Variants in IQUB observed in about 807,000 individuals in gnomAD.
IQUB encodes the protein IQ motif and ubiquitin-like domain-containing protein.
In IQUB, 86 loss-of-function variants were observed where a neutral mutation model predicts 86.4. The observed-to-expected ratio is 1.00, with a 90% CI of 0.84 to 1.19. The LOEUF is 1.19. IQUB is among the 50% of genes most tolerant of loss of function. The pLI, the probability that IQUB is intolerant of heterozygous loss-of-function variation, is 0.00. For missense variants in IQUB, 946 were observed against 916.9 expected, an observed-to-expected ratio of 1.03 and a Z score of -0.41; for synonymous variants, 289 against 304.5, an observed-to-expected ratio of 0.95 and a Z score of 0.53.
At chr7:123,531,949 C>T (rs1259707037) in intron 1 of IQUB, among the ~76,000 whole-genome samples, 1 of 152,202 alleles carries the variant, frequency 6.6e-6, no homozygotes, top group Non-Finnish European at 1.5e-5. Flanking sequence ...TTTATTCCTC[C>T]ACTCAATGTG....
At chr7:123,534,277 G>C (rs913833631) in intron 1 of IQUB, among the ~76,000 whole-genome samples, 1 of 152,298 alleles carries the variant, frequency 6.6e-6, no homozygotes, top group East Asian at 1.9e-4. Flanking sequence ...CCAAATCAGA[G>C]AGGGGAAGCC....
intron 1 of IQUB, among the ~76,000 whole-genome samples, chr7:123,533,651 A>C (rs2117416692): frequency 6.6e-6 from 1 of 152,310 alleles, no homozygotes; most frequent in East Asian, 1.9e-4. Context: ...GTAAATATTG[A>C]TAGAAAACAA....
At chr7:123,493,059 G>A (rs112765543) in intron 7 of IQUB, among the ~76,000 whole-genome samples, 10 of 151,968 alleles carry the variant, frequency 6.6e-5, no homozygotes, top group African/African-American at 9.7e-5. Flanking sequence ...TAAATAATGC[G>A]GCAGCACTCT....
In IQUB at chr7:123,461,595, T is replaced by A. The variant is rs765000760; in HGVS notation, c.1769A>T (p.Asp590Val). Residue 590 changes from aspartate to valine, a missense_variant, in exon 11 of 13, where the codon GAC (aspartate) becomes GTC (valine). Coordinates refer to ENST00000324698, the MANE Select transcript of IQUB (RefSeq NM_178827.5). Reference protein sequence around the residue: ...EVAKYLKVPQDPLKFYKKIYF... With the variant: ...EVAKYLKVPQVPLKFYKKIYF... ...AATCTTCTTATAAAATTTCAATGGG[T>A]CTTGAGGGACCTAAATAAATAGTAA... 1.2e-6 allele frequency: 2 copies of A among 1,600,298 alleles called. No individual in the cohort carries two copies. Among genetic ancestry groups the A allele is most frequent in the African/African-American group, 1.4e-5 (1 of 73,580 alleles).
intron 7 of IQUB, among the ~76,000 whole-genome samples, chr7:123,489,240 T>G (rs1485692637): frequency 6.6e-6 from 1 of 152,144 alleles, no homozygotes; most frequent in Non-Finnish European, 1.5e-5. Context: ...GTCATAAAGC[T>G]GTACACTTAA....
At chr7:123,533,357 A>G (rs902982380) in intron 1 of IQUB, among the ~76,000 whole-genome samples, 24 of 152,226 alleles carry the variant, frequency 1.6e-4, no homozygotes, top group African/African-American at 4.8e-4. Context: ...TTTCTATTAT[A>G]GCCCCAAGAA....
intron 1 of IQUB, among the ~76,000 whole-genome samples, chr7:123,533,734 T>C (rs1310434231): frequency 6.6e-6 from 1 of 152,192 alleles, no homozygotes; most frequent in Non-Finnish European, 1.5e-5. Flanking sequence ...TAACTACATA[T>C]TTGCGTATGT....
At position 123,457,563 on chromosome 7, in the gene IQUB, G is replaced by C. The variant is rs1584541968; in HGVS notation, c.2011C>G (p.Gln671Glu). 6.3e-7 allele frequency: 1 copy of C among 1,598,592 alleles called. No individual in the cohort carries two copies. The highest frequency in any genetic ancestry group is 8.5e-7 in the Non-Finnish European group (1 of 1,174,850). Reference protein sequence around the residue: ...DSKIAFLMQLQDIQYLTENIW... With the variant: ...DSKIAFLMQLEDIQYLTENIW... ...TTCTCTGTCAGGTACTGAATGTCTT[G>C]TAGCTGCATGTCAAAGCAAGTTTTA... is the stretch of plus-strand genomic sequence containing the variant. The change falls in exon 12 of 13, where the codon CAA becomes GAA. Residue 671 changes from glutamine to glutamate, a missense_variant. By Grantham distance (29) the Gln-to-Glu change is conservative. Coordinates refer to ENST00000324698, the MANE Select transcript of IQUB (RefSeq NM_178827.5).
Position 123,509,908 on chromosome 7 carries a change from T to G in IQUB, c.525A>C (p.Arg175Ser). The G allele has an allele frequency of 6.2e-7, 1 of 1,601,672 alleles. No homozygotes were observed. The highest frequency in any genetic ancestry group is 8.5e-7 in the Non-Finnish European group (1 of 1,176,400). The change falls in exon 3 of 13, where the codon AGA becomes AGC. Residue 175 changes from arginine to serine, a missense_variant. Transcript: ENST00000324698. ...LGIPHSVLQI[R>S]YSGKILKNNE... is the part of the protein sequence containing the mutation. ...ATTAGCCTCCAAACTTACCTGAGTATCTTATCTGCAGTACAGAATGTGGGA... is the reference window on the plus strand; with the variant it reads ...ATTAGCCTCCAAACTTACCTGAGTAGCTTATCTGCAGTACAGAATGTGGGA...
In IQUB at chr7:123,512,185, G is replaced by A; in HGVS notation, c.156C>T (p.Phe52=). Residue 52 remains phenylalanine (F), a synonymous_variant, in exon 2 of 13, where the codon TTC becomes TTT. Coordinates refer to ENST00000324698, the MANE Select transcript of IQUB (RefSeq NM_178827.5). ...TEEHESGIEQ[F]SESHAIHVEE... ...CAACATGTATTGCATGGCTCTCACT[G>A]AATTGTTCTATTCCAGATTCATGCT... is the stretch of plus-strand genomic sequence containing the variant. 6.2e-7 allele frequency: 1 copy of A among 1,613,974 alleles called. No homozygotes were observed. The highest frequency in any genetic ancestry group is 8.5e-7 in the Non-Finnish European group (1 of 1,179,922).
intron 1 of IQUB, among the ~76,000 whole-genome samples, chr7:123,525,239 T>A (rs1797136916): frequency 6.6e-6 from 1 of 152,034 alleles, no homozygotes; most frequent in African/African-American, 2.4e-5. Flanking sequence ...GAGGATTCCC[T>A]CTTTTTCTAT....
intron 3 of IQUB, among the ~76,000 whole-genome samples, chr7:123,508,286 A>C (rs572707807): frequency 6.6e-6 from 1 of 152,230 alleles, no homozygotes; most frequent in African/African-American, 2.4e-5. Context: ...AGCCCTGTAG[A>C]CACCTTGAAT....
chr7:123,500,973 T>G (rs1031982515), intron 6 of IQUB: 1 of 152,232 alleles, frequency 6.6e-6, no homozygotes, highest in Non-Finnish European at 1.5e-5. Flanking sequence ...TTTGCCCTAC[T>G]TTCTCTTACT....
chr7:123,506,694 G>A lies in IQUB; in HGVS notation c.532+3207C>T, dbSNP rs59799356. Among the ~76,000 whole-genome samples, 1,233 of 152,108 alleles carry A rather than the reference G, an allele frequency of 8.1e-3. 14 individuals carry two copies. The highest frequency in any genetic ancestry group is 0.028 in the African/African-American group (1,177 of 41,466). On this transcript the variant is annotated intron_variant, in intron 3 of 12. Transcript: ENST00000324698. ...CACAAGGCCCCTCCTCCAACACTGG[G>A]GAATACAATTCAACATGAGATTTGG...
chr7:123,461,414 C>CTGT lies in IQUB; in HGVS notation c.1947_1949dup (p.Gln650dup). On this transcript the variant is annotated inframe_insertion, in exon 11 of 13. Transcript: ENST00000324698. ...CATAATCAGCTTCTGTATAGTAGAG[C>CTGT]TGTTGAAGTAAACATTTGTACTTCA... 1 of 1,611,908 alleles carries CTGT rather than the reference C, an allele frequency of 6.2e-7. No homozygotes were observed. The highest frequency in any genetic ancestry group is 1.3e-5 in the African/African-American group (1 of 74,890).
intron 7 of IQUB, 66 bp from the exon 8 acceptor site, chr7:123,480,036 T>TGAG: frequency 8.4e-7 from 1 of 1,193,464 alleles, no homozygotes; most frequent in South Asian, 1.5e-5. Flanking sequence ...CACATCCTGA[T>TGAG]GAGGAGTATT....
intron 1 of IQUB, among the ~76,000 whole-genome samples, chr7:123,528,823 T>C (rs1342988727): frequency 1.3e-5 from 2 of 152,050 alleles, no homozygotes. Context: ...ATTCAGCAGA[T>C]TTTTTTTCAC....
At chr7:123,477,283 G>A (rs191562124) in intron 8 of IQUB, among the ~76,000 whole-genome samples, 82 of 151,994 alleles carry the variant, frequency 5.4e-4, no homozygotes, top group African/African-American at 1.9e-3. Context: ...GAAATAACAC[G>A]ACACATCCAC....
intron 1 of IQUB, among the ~76,000 whole-genome samples, chr7:123,513,334 G>A (rs1409287328): frequency 1.3e-5 from 2 of 152,048 alleles, no homozygotes; most frequent in African/African-American, 4.8e-5. Flanking sequence ...TTAGTAAACT[G>A]GAAGATAAAT....
Sources: allele counts gnomAD v4.1 joint callset (sites outside exome capture counted in the v4.1 genomes callset), GRCh38; gene constraint gnomAD v4.1.1; transcripts MANE v1.5; gene names NCBI Gene and HGNC (gene_info 2026-07-23, HGNC 2026-07-21).